Variants in ENPEP observed in about 807,000 individuals in gnomAD.
The protein encoded by ENPEP is glutamyl aminopeptidase.
A neutral mutation model predicts 114.5 loss-of-function variants in ENPEP; 103 were observed. The observed-to-expected ratio is 0.90, with a 90% CI of 0.77 to 1.06. The LOEUF is 1.06. Ranked by LOEUF, ENPEP falls within the 50% of genes least tolerant of loss-of-function variation. The probability of loss-of-function intolerance (pLI) is 0.00; values close to 1 mark genes in which losing one functional copy is unlikely to be tolerated. For missense variants in ENPEP, 1,196 were observed against 1,161.3 expected (o/e 1.03, Z -0.43); for synonymous variants, 420 against 422.0 (o/e 1.00, Z 0.06).
chr4:110,545,547 C>G (rs867985305), intron 13 of ENPEP, among the ~76,000 whole-genome samples: 2 of 151,942 alleles, frequency 1.3e-5, no homozygotes, highest in East Asian at 3.9e-4. Flanking sequence ...CTATGTCTCC[C>G]GAGTCACCGT....
chr4:110,484,924 C>T (rs1159315476), intron 1 of ENPEP, among the ~76,000 whole-genome samples: 1 of 151,696 alleles, frequency 6.6e-6, no homozygotes, highest in East Asian at 1.9e-4. Context: ...CGCGCATGCA[C>T]GCACGCACAC....
chr4:110,535,684 G>A (rs1412282850), intron 11 of ENPEP, among the ~76,000 whole-genome samples: 1 of 152,178 alleles, frequency 6.6e-6, no homozygotes, highest in Non-Finnish European at 1.5e-5. Flanking sequence ...CAGGAAGCAA[G>A]TTACTTAGTA....
intron 3 of ENPEP, among the ~76,000 whole-genome samples, chr4:110,503,888 C>T (rs1372616193): frequency 6.6e-6 from 1 of 152,200 alleles, no homozygotes; most frequent in African/African-American, 2.4e-5. Context: ...GTAGATGGTG[C>T]TTAAGCATAA....
chr4:110,502,634 G>C (rs1279267600), intron 3 of ENPEP, among the ~76,000 whole-genome samples: 1 of 152,110 alleles, frequency 6.6e-6, no homozygotes, highest in Non-Finnish European at 1.5e-5. Context: ...TGGTCTGTGT[G>C]TCTATTTTTG....
At position 110,491,059 on chromosome 4, in the gene ENPEP, G is replaced by C; in HGVS notation, c.813G>C (p.Trp271Cys). Residue 271 changes from tryptophan (W) to cysteine (C), a missense_variant, in exon 3 of 20, where the codon TGG becomes TGC. Transcript: ENST00000265162. ...VAKEESVDDK[W>C]TRTTFEKSVP... is the part of the protein sequence containing the mutation. ...AAGAAGAGTCAGTGGATGATAAATG[G>C]ACTCGAACAACTTTTGAGAAGTCTG... 1 of 1,610,628 alleles carries C rather than the reference G, an allele frequency of 6.2e-7. No individual in the cohort carries two copies. Among genetic ancestry groups the C allele is most frequent in the Non-Finnish European group, 8.5e-7 (1 of 1,179,326 alleles).
chr4:110,502,496 G>A (rs531379545), intron 3 of ENPEP, among the ~76,000 whole-genome samples: 1 of 152,286 alleles, frequency 6.6e-6, no homozygotes, highest in South Asian at 2.1e-4. Flanking sequence ...CATACGGCTA[G>A]TCAGTTATCC....
intron 5 of ENPEP, 98 bp downstream of exon 5, chr4:110,509,905 C>A: frequency 7.0e-7 from 1 of 1,420,564 alleles, no homozygotes; most frequent in Non-Finnish European, 9.4e-7. Flanking sequence ...TAAAAAATAG[C>A]CAACTCAGAA....
rs1727356445 is a variant in ENPEP, at chr4:110,553,314, G to A, written c.2502-1G>A. 6.3e-7 allele frequency: 1 copy of A among 1,575,326 alleles called. No individual in the cohort carries two copies. Among genetic ancestry groups the A allele is most frequent in the East Asian group, 2.3e-5 (1 of 44,302 alleles). ...TTGTTTTTCTGTTTGGCTTCTCTTA[G>A]GTATTTGGATTTGCTCAAGGACACG... is the stretch of plus-strand genomic sequence containing the variant. On this transcript the variant is annotated splice_acceptor_variant, in intron 17 of 19. Transcript: ENST00000265162. LOFTEE classifies it high-confidence loss of function.
chr4:110,528,481 T>C (rs1312577770), intron 10 of ENPEP, among the ~76,000 whole-genome samples: 2 of 152,230 alleles, frequency 1.3e-5, no homozygotes, highest in Non-Finnish European at 2.9e-5. Flanking sequence ...CCAGTTAAGT[T>C]GTACTGTGAG....
intron 17 of ENPEP, among the ~76,000 whole-genome samples, chr4:110,552,973 A>G (rs980486075): frequency 6.6e-6 from 1 of 152,118 alleles, no homozygotes; most frequent in African/African-American, 2.4e-5. Context: ...TATTCAATAA[A>G]TGCTGTTTTA....
At chr4:110,533,554 C>T (rs563607269) in intron 11 of ENPEP, 5 of 152,364 alleles carry the variant, frequency 3.3e-5, no homozygotes, top group Admixed American at 2.6e-4. Flanking sequence ...ATAGAAGCAT[C>T]AGCCCAGGTT....
Position 110,564,175 on chromosome 4 carries a change from A to T in ENPEP, c.*2617A>T, listed in dbSNP as rs1416097144. On this transcript the variant is annotated 3_prime_UTR_variant, in exon 20 of 20. Transcript: ENST00000265162. ...TTTTTACAAAACCCCCTTAAAGTAG[A>T]TACTGTTATTGTTCTTATTTTAGAG... The T allele has an allele frequency of 1.3e-5, 2 of 151,978 alleles. No homozygotes were observed. Among genetic ancestry groups the T allele is most frequent in the East Asian group, 3.9e-4 (2 of 5,184 alleles). The allele number at this position is 151,978 out of a possible 1,614,324, so 9.4% of individuals were successfully genotyped here. A position where few individuals can be genotyped will look rare whatever the true frequency, so the allele number is the denominator to read the frequency against.
chr4:110,532,834 A>G (rs138417068), intron 11 of ENPEP, among the ~76,000 whole-genome samples: 84 of 152,278 alleles, frequency 5.5e-4, no homozygotes, highest in African/African-American at 1.8e-3. Context: ...TCCCAGATCA[A>G]TGCCACTTTG....
chr4:110,523,886 T>G (rs1243128784), intron 10 of ENPEP, among the ~76,000 whole-genome samples: 2 of 152,106 alleles, frequency 1.3e-5, no homozygotes, highest in Admixed American at 6.6e-5. Context: ...GAGTATTACG[T>G]GGAAATGAGC....
chr4:110,502,953 G>A (rs1234274928), intron 3 of ENPEP, among the ~76,000 whole-genome samples: 3 of 151,692 alleles, frequency 2.0e-5, no homozygotes, highest in Admixed American at 6.6e-5. Flanking sequence ...TGTACACAAC[G>A]TGCAGGTTTG....
At chr4:110,503,785 G>A (rs770304811) in intron 3 of ENPEP, among the ~76,000 whole-genome samples, 1 of 152,128 alleles carries the variant, frequency 6.6e-6, no homozygotes, top group Non-Finnish European at 1.5e-5. Flanking sequence ...TGTTTGTGCT[G>A]GGTCATTATT....
At chr4:110,530,205 C>A (rs1463179851) in intron 10 of ENPEP, among the ~76,000 whole-genome samples, 1 of 152,132 alleles carries the variant, frequency 6.6e-6, no homozygotes, top group Non-Finnish European at 1.5e-5. Flanking sequence ...CATTCCACTG[C>A]AGTAAAATGC....
chr4:110,476,765 C>T lies in ENPEP; in HGVS notation c.351C>T (p.Gly117=), dbSNP rs761271485. ...TGTTGGAGGAGGACACCTACACGGG[C>T]ACCGTGAGCATCTCCATCAACCTGA... ...KPLLEEDTYT[G]TVSISINLSA... is the part of the protein sequence containing the mutation. The change falls in exon 1 of 20, where the codon GGC becomes GGT. Residue 117 remains glycine, a synonymous_variant. Transcript: ENST00000265162. 45 of 1,614,078 alleles carry T rather than the reference C, an allele frequency of 2.8e-5. No homozygotes were observed. The highest frequency in any genetic ancestry group is 3.8e-5 in the Non-Finnish European group (45 of 1,180,052).
At chr4:110,493,309 A>T (rs539510763) in intron 3 of ENPEP, among the ~76,000 whole-genome samples, 13 of 152,350 alleles carry the variant, frequency 8.5e-5, no homozygotes, top group African/African-American at 2.4e-4. Flanking sequence ...TATTTCTTAA[A>T]TGGTTCTTCT....
Sources: allele counts gnomAD v4.1 joint callset (sites outside exome capture counted in the v4.1 genomes callset), GRCh38; gene constraint gnomAD v4.1.1; transcripts MANE v1.5; gene names NCBI Gene and HGNC (gene_info 2026-07-23, HGNC 2026-07-21).